DMD: variants seen among roughly 807,000 people sequenced by gnomAD.
DMD encodes mutant dystrophin.
In DMD, 63 loss-of-function variants were observed where a neutral mutation model predicts 330.1. The observed-to-expected ratio is 0.19, with a 90% CI of 0.16 to 0.24. DMD has a LOEUF of 0.24. DMD is among the 10% of genes least tolerant of loss of function. The pLI, the probability that DMD is intolerant of heterozygous loss-of-function variation, is 1.00. For synonymous variants in DMD, 1,223 were observed against 959.8 expected, an observed-to-expected ratio of 1.27 and a Z score of -5.07; for missense variants, 3,344 against 2,684.1, an observed-to-expected ratio of 1.25 and a Z score of -5.43.
At chrX:33,182,781 A>T (rs899334956) in intron 1 of DMD, among the ~76,000 whole-genome samples, 1 of 112,543 alleles carries the variant, frequency 8.9e-6, no homozygotes, top group Non-Finnish European at 1.9e-5. Flanking sequence ...ATTTTAATTC[A>T]TATAACCAGT....
At chrX:31,348,948 T>A (rs1277305787) in intron 60 of DMD, among the ~76,000 whole-genome samples, 2 of 111,993 alleles carry the variant, frequency 1.8e-5, no homozygotes, top group African/African-American at 6.5e-5. Context: ...AAAATACAAA[T>A]CTTTACTTTC....
chrX:32,842,220 T>C (rs2080223905), intron 4 of DMD, among the ~76,000 whole-genome samples: 1 of 112,021 alleles, frequency 8.9e-6, no homozygotes, highest in African/African-American at 3.2e-5. Context: ...AAACGGACAA[T>C]GAATACACAC....
rs777843762 is a variant in DMD, at chrX:32,117,792, G to T, written c.6438+99124C>A. Among the ~76,000 whole-genome samples the T allele has an allele frequency of 1.2e-4, 13 of 111,383 alleles. No homozygotes were observed. The South Asian group carries it at 3.1e-3, about 26-fold the overall frequency. Reference sequence around the variant, plus strand: ...GGTGGAGAAAATATTTAACCAATAGGTTTGTTTGGGGGATGGTTTGGATAG... The same window carrying T: ...GGTGGAGAAAATATTTAACCAATAGTTTTGTTTGGGGGATGGTTTGGATAG... On this transcript the variant is annotated intron_variant, in intron 44 of 78. Transcript: ENST00000357033.
chrX:32,569,127 G>C (rs1338001128), intron 15 of DMD, among the ~76,000 whole-genome samples: 1 of 111,134 alleles, frequency 9.0e-6, no homozygotes, highest in African/African-American at 3.3e-5. Flanking sequence ...CTACCTCCAA[G>C]GTAGGGAGGA....
At chrX:32,850,521 G>A (rs1008172775) in intron 2 of DMD, among the ~76,000 whole-genome samples, 1 of 111,781 alleles carries the variant, frequency 8.9e-6, no homozygotes, top group Non-Finnish European at 1.9e-5. Flanking sequence ...GCATTTCTGA[G>A]ATTAGCAGTA....
chrX:31,242,152 G>T (rs1415835708), intron 63 of DMD, among the ~76,000 whole-genome samples: 1 of 107,095 alleles, frequency 9.3e-6, no homozygotes, highest in Non-Finnish European at 1.9e-5. Context: ...GCTGCCTGGG[G>T]GGCTGAGGCA....
intron 59 of DMD, among the ~76,000 whole-genome samples, chrX:31,476,652 G>C (rs765943046): frequency 9.1e-6 from 1 of 110,106 alleles, no homozygotes; most frequent in South Asian, 3.9e-4. Flanking sequence ...GTATTCTCCC[G>C]CAAGGAGTTT....
chrX:31,614,676 C>T (rs1189790785), intron 55 of DMD, among the ~76,000 whole-genome samples: 1 of 112,011 alleles, frequency 8.9e-6, no homozygotes, highest in Non-Finnish European at 1.9e-5. Flanking sequence ...GTAATGACTT[C>T]TTTTACCTCT....
intron 44 of DMD, chrX:32,206,809 G>A (rs1338794483): frequency 1.3e-5 from 5 of 381,860 alleles, no homozygotes; most frequent in Non-Finnish European, 2.4e-5. Context: ...ATATCTGGCT[G>A]TCGTTTTGAT....
intron 44 of DMD, among the ~76,000 whole-genome samples, chrX:32,038,224 G>C (rs948267389): frequency 9.0e-6 from 1 of 111,467 alleles, no homozygotes; most frequent in African/African-American, 3.3e-5. Context: ...ACATTAAGAC[G>C]GATCTATCGA....
chrX:31,333,738 T>C (rs1323080100), intron 61 of DMD, among the ~76,000 whole-genome samples: 1 of 110,512 alleles, frequency 9.0e-6, no homozygotes, highest in African/African-American at 3.3e-5. Context: ...TCAGACTTTT[T>C]CTTTCCCTAT....
intron 43 of DMD, among the ~76,000 whole-genome samples, chrX:32,226,855 TA>T (rs760143759): frequency 1.8e-5 from 2 of 110,758 alleles, no homozygotes; most frequent in Non-Finnish European, 1.9e-5. Context: ...GAATTTAGAA[TA>T]AAAAAATCAA....
chrX:32,847,868 G>A (rs1365863908), intron 3 of DMD, among the ~76,000 whole-genome samples: 1 of 112,045 alleles, frequency 8.9e-6, no homozygotes, highest in African/African-American at 3.2e-5. Flanking sequence ...AAATCATGTG[G>A]ATTTTTTAAT....
At chrX:33,131,124 G>T (rs1174359559) in intron 1 of DMD, among the ~76,000 whole-genome samples, 2 of 110,629 alleles carry the variant, frequency 1.8e-5, no homozygotes, top group Admixed American at 9.7e-5. Flanking sequence ...TAAAATACGG[G>T]TTCTGATTCG....
chrX:32,859,467 A>T (rs1473777809), intron 2 of DMD, among the ~76,000 whole-genome samples: 2 of 43,956 alleles, frequency 4.6e-5, no homozygotes, highest in East Asian at 6.4e-4. Context: ...GATCTCACAC[A>T]CACACACACA....
intron 37 of DMD, among the ~76,000 whole-genome samples, chrX:32,356,386 A>T (rs1382662629): frequency 1.4e-5 from 1 of 73,943 alleles, no homozygotes; most frequent in Non-Finnish European, 2.5e-5. Flanking sequence ...AAGTAAAAAA[A>T]AAAAAAAAAA....
chrX:33,107,717 G>A (rs1165664160), intron 1 of DMD, among the ~76,000 whole-genome samples: 2 of 111,590 alleles, frequency 1.8e-5, no homozygotes, highest in Non-Finnish European at 3.8e-5. Context: ...ATTAACTTTA[G>A]TGGAGGACAG....
intron 55 of DMD, among the ~76,000 whole-genome samples, chrX:31,511,923 T>C (rs1270354187): frequency 1.9e-5 from 2 of 107,356 alleles, no homozygotes; most frequent in South Asian, 8.8e-4. Context: ...ACTTCCACAA[T>C]GGTTGAACTA....
chrX:32,120,370 A>C (rs1375947817), intron 44 of DMD, among the ~76,000 whole-genome samples: 1 of 111,985 alleles, frequency 8.9e-6, no homozygotes, highest in Non-Finnish European at 1.9e-5. Flanking sequence ...AGGCTAGCCT[A>C]GCAATCTGTG....
Sources: gnomAD v4.1 joint callset for allele counts (sites outside exome capture counted in the v4.1 genomes callset) on GRCh38, gnomAD v4.1.1 for gene constraint, MANE v1.5 for transcripts, NCBI Gene and HGNC (gene_info 2026-07-23, HGNC 2026-07-21) for gene names.